Variants in SGCZ observed in about 807,000 individuals in gnomAD.
SGCZ encodes the protein sarcoglycan zeta, also known as zeta-sarcoglycan.
Under a neutral mutation model 41.3 loss-of-function variants are expected in SGCZ, and 40 were observed. The observed-to-expected ratio is 0.97, with a 90% CI of 0.75 to 1.26. SGCZ has a LOEUF of 1.26. Ranked by LOEUF, SGCZ falls within the 50% of genes most tolerant of loss-of-function variation. SGCZ has a pLI of 0.00. For missense variants in SGCZ, 552 were observed against 369.8 expected (o/e 1.49, Z -4.04); for synonymous variants, 206 against 137.5 (o/e 1.50, Z -3.49).
intron 2 of SGCZ, among the ~76,000 whole-genome samples, chr8:14,401,264 A>G (rs979775406): frequency 1.3e-5 from 2 of 150,094 alleles, no homozygotes; most frequent in Non-Finnish European, 3.0e-5. Context: ...ATACATATAT[A>G]TAGTTTTATT....
At chr8:14,819,586 C>A (rs181188992) in intron 1 of SGCZ, among the ~76,000 whole-genome samples, 3 of 152,152 alleles carry the variant, frequency 2.0e-5, no homozygotes, top group Admixed American at 1.3e-4. Context: ...TCTTAGAACA[C>A]CCTAGTGAAG....
chr8:14,860,708 G>A (rs981718146), intron 1 of SGCZ, among the ~76,000 whole-genome samples: 13 of 132,756 alleles, frequency 9.8e-5, no homozygotes, highest in African/African-American at 2.8e-4. Flanking sequence ...AAGAAAGAAA[G>A]AGAAAGAAAG....
At chr8:14,535,207 T>C (rs1803256980) in intron 2 of SGCZ, among the ~76,000 whole-genome samples, 3 of 151,956 alleles carry the variant, frequency 2.0e-5, no homozygotes, top group Admixed American at 1.3e-4. Context: ...ATTTGAATAG[T>C]AAAGATTTCA....
intron 2 of SGCZ, among the ~76,000 whole-genome samples, chr8:14,526,767 G>C (rs17119650): frequency 0.099 from 15,027 of 152,016 alleles, 1,402 homozygotes; most frequent in African/African-American, 0.25. Context: ...TTCTTCTGCA[G>C]AGGTTTATGT....
At chr8:14,919,683 C>T (rs545641876) in intron 1 of SGCZ, among the ~76,000 whole-genome samples, 32 of 152,168 alleles carry the variant, frequency 2.1e-4, no homozygotes, top group African/African-American at 7.0e-4. Context: ...TTTGGGAGGA[C>T]GAGGCAGGCA....
At chr8:14,383,285 AAG>A (rs1804438971) in intron 2 of SGCZ, among the ~76,000 whole-genome samples, 1 of 152,230 alleles carries the variant, frequency 6.6e-6, no homozygotes, top group South Asian at 2.1e-4. Context: ...AAATACTGAT[AAG>A]AGACATTTTG....
At chr8:14,807,728 T>G (rs969575577) in intron 1 of SGCZ, among the ~76,000 whole-genome samples, 3 of 151,728 alleles carry the variant, frequency 2.0e-5, no homozygotes, top group South Asian at 2.1e-4. Context: ...TGGAAAAAAC[T>G]ACTTTAAAGT....
At chr8:15,141,773 G>A (rs566930139) in intron 1 of SGCZ, among the ~76,000 whole-genome samples, 18 of 152,022 alleles carry the variant, frequency 1.2e-4, no homozygotes, top group Non-Finnish European at 2.1e-4. Context: ...GTGGTGGTGC[G>A]TGCCTGTAAT....
At chr8:14,730,527 C>T (rs1810203188) in intron 1 of SGCZ, among the ~76,000 whole-genome samples, 3 of 151,902 alleles carry the variant, frequency 2.0e-5, no homozygotes, top group Admixed American at 1.3e-4. Context: ...TGACAATGAA[C>T]TCAGAAGAAG....
intron 1 of SGCZ, among the ~76,000 whole-genome samples, chr8:15,198,023 TTA>T (rs1335301137): frequency 1.3e-5 from 2 of 148,584 alleles, no homozygotes; most frequent in African/African-American, 2.4e-5. Flanking sequence ...AATATATGTA[TTA>T]TGTTACATTA....
intron 4 of SGCZ, among the ~76,000 whole-genome samples, chr8:14,227,976 G>C (rs1200132116): frequency 6.6e-6 from 1 of 152,002 alleles, no homozygotes. Context: ...AATTAGTATT[G>C]TTGTGCAGTC....
chr8:14,806,705 G>T (rs1429107666), intron 1 of SGCZ, among the ~76,000 whole-genome samples: 2 of 152,164 alleles, frequency 1.3e-5, no homozygotes, highest in Admixed American at 6.5e-5. Flanking sequence ...AAGAGAAAAA[G>T]AGGGACTCCT....
chr8:14,264,465 A>G (rs1057400049), intron 3 of SGCZ, among the ~76,000 whole-genome samples: 1 of 152,192 alleles, frequency 6.6e-6, no homozygotes, highest in Non-Finnish European at 1.5e-5. Context: ...CCCTTCCTTC[A>G]GGAACAAAAC....
At chr8:14,537,664 A>G (rs530648792) in intron 2 of SGCZ, among the ~76,000 whole-genome samples, 1 of 151,510 alleles carries the variant, frequency 6.6e-6, no homozygotes, top group South Asian at 2.1e-4. Flanking sequence ...ATCTCTCACC[A>G]TGACTTACTA....
At chr8:14,327,981 A>G (rs1391235357) in intron 2 of SGCZ, among the ~76,000 whole-genome samples, 1 of 152,162 alleles carries the variant, frequency 6.6e-6, no homozygotes, top group African/African-American at 2.4e-5. Flanking sequence ...GGGTTTCACC[A>G]TGCTGGACAA....
intron 1 of SGCZ, among the ~76,000 whole-genome samples, chr8:15,229,060 C>T (rs1004500195): frequency 6.6e-5 from 10 of 151,982 alleles, no homozygotes; most frequent in African/African-American, 1.9e-4. Context: ...GGCGTGATGG[C>T]GGGTGCCTGT....
At chr8:14,191,729 A>G (rs571562897) in intron 4 of SGCZ, among the ~76,000 whole-genome samples, 3 of 152,288 alleles carry the variant, frequency 2.0e-5, no homozygotes, top group African/African-American at 7.2e-5. Context: ...AGAGAAACTA[A>G]GGGTATGTGA....
chr8:14,864,739 G>T (rs1328609000), intron 1 of SGCZ, among the ~76,000 whole-genome samples: 2 of 151,974 alleles, frequency 1.3e-5, no homozygotes, highest in African/African-American at 4.8e-5. Flanking sequence ...GCTTTTTGAG[G>T]ATCTCCATAC....
intron 5 of SGCZ, among the ~76,000 whole-genome samples, chr8:14,117,179 A>G (rs1447845125): frequency 6.6e-6 from 1 of 152,144 alleles, no homozygotes; most frequent in East Asian, 1.9e-4. Context: ...ATAATGCATT[A>G]GAGATGAGCA....
Sources: gnomAD v4.1 joint callset for allele counts (sites outside exome capture counted in the v4.1 genomes callset) on GRCh38, gnomAD v4.1.1 for gene constraint, MANE v1.5 for transcripts, NCBI Gene and HGNC (gene_info 2026-07-23, HGNC 2026-07-21) for gene names.